ZNF831: variants seen among roughly 807,000 people sequenced by gnomAD.
The protein encoded by ZNF831 is zinc finger protein 831, also known as chromosome 20 open reading frame 174.
In ZNF831, 59 loss-of-function variants were observed where a neutral mutation model predicts 95.8. The ratio of observed to expected loss-of-function variants is 0.62; its 90% CI spans 0.50 to 0.77. The LOEUF is 0.77. ZNF831 is among the 30% of genes least tolerant of loss of function. The probability of loss-of-function intolerance (pLI) is 0.00; values close to 1 mark genes in which losing one functional copy is unlikely to be tolerated. For missense variants in ZNF831, 2,205 were observed against 2,164.0 expected (o/e 1.02, Z -0.38); for synonymous variants, 961 against 925.5 (o/e 1.04, Z -0.70).
intron 4 of ZNF831, among the ~76,000 whole-genome samples, chr20:59,225,654 G>A (rs1406479217): frequency 6.6e-6 from 1 of 152,176 alleles, no homozygotes; most frequent in Non-Finnish European, 1.5e-5. Context: ...TGAATTTTAA[G>A]TCTGTCATTA....
At position 59,244,837 on chromosome 20, in the gene ZNF831, G is replaced by GTA. The variant is rs555399517; in HGVS notation, c.4028-8140_4028-8139dup. On this transcript the variant is annotated intron_variant, in intron 4 of 5. Coordinates refer to ENST00000371030, the MANE Select transcript of ZNF831 (RefSeq NM_178457.3). ...TGGCATACAATCCCCTAGTTTGGAT[G>GTA]TACTACTATTTATCTGTTCATCCCT... is the stretch of plus-strand genomic sequence containing the variant. Among the ~76,000 whole-genome samples the GTA allele has an allele frequency of 3.8e-4, 58 of 152,272 alleles. 1 individual carries two copies. Among genetic ancestry groups the GTA allele is most frequent in the African/African-American group, 1.3e-3 (55 of 41,552 alleles).
intron 1 of ZNF831, among the ~76,000 whole-genome samples, chr20:59,180,980 C>T (rs1283163920): frequency 1.3e-5 from 2 of 152,206 alleles, no homozygotes; most frequent in Non-Finnish European, 2.9e-5. Flanking sequence ...AACTAATTTA[C>T]ACTCCCACCA....
chr20:59,170,994 G>A (rs182185718), intron 1 of ZNF831, among the ~76,000 whole-genome samples: 189 of 152,308 alleles, frequency 1.2e-3, no homozygotes, highest in Non-Finnish European at 2.3e-3. Context: ...ACAGTGTGCC[G>A]GCTGTGTGGT....
Position 59,192,042 on chromosome 20 carries a change from CA to C in ZNF831, c.1024del (p.Thr342ProfsTer192). 1 of 1,608,714 alleles carries C rather than the reference CA, an allele frequency of 6.2e-7. No homozygotes were observed. Among genetic ancestry groups the C allele is most frequent in the Non-Finnish European group, 8.5e-7 (1 of 1,179,244 alleles). ...PEGRLRKCES[T>X]DSGYLSRSDS... is the part of the protein sequence containing the mutation. ...AGGGCCGGCTGCGGAAGTGTGAGAG[CA>C]CCGACTCGGGGTACCTGTCGCGCTC... On this transcript the variant is annotated frameshift_variant, in exon 2 of 6. Transcript: ENST00000371030. LOFTEE classifies it high-confidence loss of function. The surrounding 1 kb of genome is among the most constrained non-coding windows in gnomAD (Gnocchi z 5.2).
At chr20:59,222,825 A>T (rs1986181501) in intron 4 of ZNF831, among the ~76,000 whole-genome samples, 1 of 152,186 alleles carries the variant, frequency 6.6e-6, no homozygotes. Flanking sequence ...AACACCAGGG[A>T]CCTGGCGGTA....
At position 59,193,637 on chromosome 20, in the gene ZNF831, C is replaced by A. The variant is rs369905161; in HGVS notation, c.2618C>A (p.Ala873Asp). 2.8e-4 allele frequency: 456 copies of A among 1,612,586 alleles called. No homozygotes were observed. Among genetic ancestry groups the A allele is most frequent in the Middle Eastern group, 9.9e-4 (6 of 6,054 alleles). The change falls in exon 2 of 6, where the codon GCC (alanine) becomes GAC (aspartate). Residue 873 changes from alanine (A) to aspartate (D), a missense_variant. Physicochemically the swap from Ala to Asp is moderately radical, Grantham distance 126. Coordinates refer to ENST00000371030, the MANE Select transcript of ZNF831 (RefSeq NM_178457.3). ...GEVPGGSKES[A>D]RQVGEPLESS... Reference sequence around the variant, plus strand: ...GTGCCAGGGGGCTCAAAGGAGAGTGCCAGGCAGGTGGGCGAGCCTCTGGAG... The same window carrying A: ...GTGCCAGGGGGCTCAAAGGAGAGTGACAGGCAGGTGGGCGAGCCTCTGGAG...
At position 59,255,599 on chromosome 20, in the gene ZNF831, G is replaced by A. The variant is rs775009974; in HGVS notation, c.*856G>A. 6.6e-6 allele frequency: 1 copy of A among 152,156 alleles called. No individual in the cohort carries two copies. The highest frequency in any genetic ancestry group is 2.1e-4 in the South Asian group (1 of 4,826). The allele number at this position is 152,156 out of a possible 1,614,324, so 9.4% of individuals were successfully genotyped here. On this transcript the variant is annotated 3_prime_UTR_variant, in exon 6 of 6. Transcript: ENST00000371030. ...GGGAAAAATTCACTTATTTTCCTCTGATTCTTCTTGTCATATTGTGCTCTG... is the reference window on the plus strand; with the variant it reads ...GGGAAAAATTCACTTATTTTCCTCTAATTCTTCTTGTCATATTGTGCTCTG...
chr20:59,200,118 C>A (rs1033631497), intron 3 of ZNF831, among the ~76,000 whole-genome samples: 3 of 152,094 alleles, frequency 2.0e-5, no homozygotes, highest in Admixed American at 2.0e-4. Context: ...CTCTGGCTAC[C>A]TTTAAGATCT....
chr20:59,187,724 C>T (rs972340129), intron 1 of ZNF831, among the ~76,000 whole-genome samples: 1 of 152,184 alleles, frequency 6.6e-6, no homozygotes, highest in Non-Finnish European at 1.5e-5. Context: ...CATAGTTTTA[C>T]AAACTACCAC....
At chr20:59,247,031 G>A (rs577919597) in intron 4 of ZNF831, among the ~76,000 whole-genome samples, 2 of 152,216 alleles carry the variant, frequency 1.3e-5, no homozygotes, top group Admixed American at 1.3e-4. Flanking sequence ...TTCGTAAAGA[G>A]GCTTCATAAA....
chr20:59,187,332 G>A (rs1180989412), intron 1 of ZNF831, among the ~76,000 whole-genome samples: 4 of 152,120 alleles, frequency 2.6e-5, no homozygotes, highest in African/African-American at 7.2e-5. Flanking sequence ...AGTGGAATGA[G>A]TGCCTTATAA....
chr20:59,198,232 G>A (rs1036159430), intron 3 of ZNF831, among the ~76,000 whole-genome samples: 4 of 152,180 alleles, frequency 2.6e-5, no homozygotes, highest in Non-Finnish European at 5.9e-5. Context: ...GCCAAACACA[G>A]TGCATGTAAG....
chr20:59,219,527 G>A (rs561666762), intron 4 of ZNF831, among the ~76,000 whole-genome samples: 15 of 152,316 alleles, frequency 9.8e-5, no homozygotes, highest in Admixed American at 2.0e-4. Context: ...GCCTGCTGGA[G>A]CGGAGAGGGG....
intron 2 of ZNF831, among the ~76,000 whole-genome samples, chr20:59,158,224 G>C (rs771925582): frequency 1.3e-5 from 2 of 152,198 alleles, no homozygotes; most frequent in East Asian, 3.9e-4. Flanking sequence ...CGATTACTCC[G>C]GGGGAGCATT....
intron 4 of ZNF831, among the ~76,000 whole-genome samples, chr20:59,241,958 T>C (rs760578022): frequency 2.0e-5 from 3 of 152,204 alleles, no homozygotes; most frequent in Non-Finnish European, 2.9e-5. Flanking sequence ...TATTCCCCCA[T>C]CGTCTTTTGC....
At chr20:59,130,866 C>T (rs531428440) in intron 1 of ZNF831, among the ~76,000 whole-genome samples, 3 of 152,258 alleles carry the variant, frequency 2.0e-5, no homozygotes, top group South Asian at 2.1e-4. Context: ...TTGGCCCTGA[C>T]ACTTTCTGCC....
rs369830054 is a variant in ZNF831, at chr20:59,194,590, A to G, written c.3571A>G (p.Ser1191Gly). The G allele has an allele frequency of 1.4e-4, 221 of 1,611,210 alleles. No homozygotes were observed. Among genetic ancestry groups the G allele is most frequent in the Non-Finnish European group, 1.8e-4 (213 of 1,178,594 alleles). The change falls in exon 2 of 6, where the codon AGT (serine) becomes GGT (glycine). Residue 1191 changes from serine to glycine, a missense_variant. Transcript: ENST00000371030. The stretch of plus-strand genomic sequence containing the variant: ...GCTCACGTGGTGTTGCCTGAGCCGC[A>G]GTGTCCCTCTGCCCGCGGAGCAGAA... Reference protein sequence around the residue: ...PRLTWCCLSRSVPLPAEQKAK... With the variant: ...PRLTWCCLSRGVPLPAEQKAK...
intron 4 of ZNF831, among the ~76,000 whole-genome samples, chr20:59,215,939 A>G (rs1454105671): frequency 7.5e-6 from 1 of 133,202 alleles, no homozygotes; most frequent in Non-Finnish European, 1.7e-5. Flanking sequence ...GAGCCCTAGG[A>G]ATACCCCTTC....
At chr20:59,197,933 C>G (rs1430665513) in intron 3 of ZNF831, among the ~76,000 whole-genome samples, 4 of 152,160 alleles carry the variant, frequency 2.6e-5, no homozygotes, top group Admixed American at 6.5e-5. Flanking sequence ...GGAGGAAGTG[C>G]TCAGTTACAT....
Sources: gnomAD v4.1 joint callset for allele counts (sites outside exome capture counted in the v4.1 genomes callset) on GRCh38, gnomAD v4.1.1 for gene constraint, Gnocchi (gnomAD v3.1) non-coding constraint, MANE v1.5 for transcripts, NCBI Gene and HGNC (gene_info 2026-07-23, HGNC 2026-07-21) for gene names.